Variants in MAML3 observed in about 807,000 individuals in gnomAD.
The protein encoded by MAML3 is mastermind-like protein 3.
A neutral mutation model predicts 101.9 loss-of-function variants in MAML3; 27 were observed. The ratio of observed to expected loss-of-function variants is 0.27; its 90% CI spans 0.20 to 0.37. MAML3 has a LOEUF of 0.37. Ranked by LOEUF, MAML3 falls within the 10% of genes least tolerant of loss-of-function variation. MAML3 has a pLI of 1.00. For synonymous variants in MAML3, 501 were observed against 555.9 expected, an observed-to-expected ratio of 0.90 and a Z score of 1.39; for missense variants, 1,316 against 1,444.9, an observed-to-expected ratio of 0.91 and a Z score of 1.45.
In MAML3 at chr4:139,935,597, C is replaced by G. The variant is rs188094418; in HGVS notation, c.469-44630G>C. 1.6e-4 allele frequency among the ~76,000 whole-genome samples: 24 copies of G among 150,288 alleles called. No homozygotes were observed. The East Asian group carries it at 4.3e-3, about 27-fold the overall frequency. On this transcript the variant is annotated intron_variant, in intron 1 of 4. Transcript: ENST00000509479. ...AAAATAGGGCTTCCTTTATCTAACA[C>G]TTATTCTCAGTGTTTCAAGTGTTTC...
chr4:140,091,541 A>AC (rs1429437227), intron 1 of MAML3, among the ~76,000 whole-genome samples: 18 of 138,370 alleles, frequency 1.3e-4, no homozygotes, highest in African/African-American at 4.5e-4. Flanking sequence ...ACAAAACAAA[A>AC]ACAAAACAAA....
rs779251360 is a variant in MAML3, at chr4:139,730,447, T to A, written c.2300A>T (p.Gln767Leu). Residue 767 changes from glutamine (Q) to leucine (L), a missense_variant, in exon 3 of 5, where the codon CAG becomes CTG. Transcript: ENST00000509479. ...CGCCAAAATCTGCTGCTGCTGCTGC[T>A]GCTGCTGCTGCCTTTGCTCCCGCAG... is the stretch of plus-strand genomic sequence containing the variant. The part of the protein sequence containing the change: ...QFLREQRQQQ[Q>L]QQQQQILAEQ... 1 of 1,551,954 alleles carries A rather than the reference T, an allele frequency of 6.4e-7. No individual in the cohort carries two copies. Among genetic ancestry groups the A allele is most frequent in the South Asian group, 1.2e-5 (1 of 84,084 alleles).
chr4:139,826,946 A>C (rs1731072357), intron 2 of MAML3, among the ~76,000 whole-genome samples: 1 of 152,198 alleles, frequency 6.6e-6, no homozygotes, highest in South Asian at 2.1e-4. Context: ...ATAAGAAACA[A>C]TGGAAGAATC....
chr4:139,801,635 TGTGTGTGG>T (rs1478657271), intron 2 of MAML3, among the ~76,000 whole-genome samples: 232 of 10,914 alleles, frequency 0.021, no homozygotes, highest in African/African-American at 0.04. Flanking sequence ...AGGAACAGGG[TGTGTGTGG>T]GTGTGTGTGT....
At chr4:140,135,518 T>C (rs1320118421) in intron 1 of MAML3, among the ~76,000 whole-genome samples, 1 of 152,236 alleles carries the variant, frequency 6.6e-6, no homozygotes, top group Non-Finnish European at 1.5e-5. Flanking sequence ...ATGATTTGAT[T>C]AGTGACCAAA....
intron 1 of MAML3, among the ~76,000 whole-genome samples, chr4:140,082,081 C>T (rs1727868566): frequency 6.6e-6 from 1 of 152,200 alleles, no homozygotes; most frequent in Admixed American, 6.5e-5. Context: ...CTCCCTCTCA[C>T]ACACAGTAGC....
intron 1 of MAML3, among the ~76,000 whole-genome samples, chr4:140,024,628 T>A (rs962038280): frequency 2.0e-5 from 3 of 152,232 alleles, no homozygotes; most frequent in African/African-American, 7.2e-5. Flanking sequence ...AACCTCTTGC[T>A]TAAATTTGTA....
chr4:140,113,072 G>T (rs1728464223), intron 1 of MAML3, among the ~76,000 whole-genome samples: 1 of 152,058 alleles, frequency 6.6e-6, no homozygotes, highest in Admixed American at 6.5e-5. Context: ...AGGGTTAGGA[G>T]ATGGAGACCA....
At chr4:139,755,231 C>T (rs4863683) in intron 2 of MAML3, among the ~76,000 whole-genome samples, 101,105 of 152,144 alleles carry the variant, frequency 0.66, 35,490 homozygotes, top group Non-Finnish European at 0.79. Flanking sequence ...GGGAGTGAAA[C>T]GCACTGGGAA....
chr4:140,103,963 TTG>T (rs1437656168), intron 1 of MAML3, among the ~76,000 whole-genome samples: 2 of 152,022 alleles, frequency 1.3e-5, no homozygotes, highest in Non-Finnish European at 2.9e-5. Flanking sequence ...CCCCATCCTA[TTG>T]TTCAGGAAAT....
chr4:140,109,575 T>C (rs1728407452), intron 1 of MAML3, among the ~76,000 whole-genome samples: 1 of 152,218 alleles, frequency 6.6e-6, no homozygotes, highest in South Asian at 2.1e-4. Context: ...AGAAACGATT[T>C]CTTCTTTTAA....
At chr4:139,970,913 T>C (rs1421043722) in intron 1 of MAML3, among the ~76,000 whole-genome samples, 2 of 152,218 alleles carry the variant, frequency 1.3e-5, no homozygotes, top group African/African-American at 4.8e-5. Flanking sequence ...CTACTCTATT[T>C]GTTTTGATTT....
chr4:139,911,847 C>T (rs546419053), intron 1 of MAML3, among the ~76,000 whole-genome samples: 26 of 152,296 alleles, frequency 1.7e-4, no homozygotes, highest in African/African-American at 6.0e-4. Context: ...TCCCAGCCCC[C>T]AGAACTGTAA....
In MAML3 at chr4:140,153,334, C is replaced by T. The variant is rs777990836; in HGVS notation, c.-7G>A. 55 of 1,570,704 alleles carry T rather than the reference C, an allele frequency of 3.5e-5. 1 individual carries two copies. In the South Asian group the frequency reaches 4.6e-4, roughly 13 times the overall value. ...GGGCTGCGAAATCCCCCATCCTGCT[C>T]CCCGGGCACACTATTTTGGAAGAAC... On this transcript the variant is annotated 5_prime_UTR_variant, in exon 1 of 5. Transcript: ENST00000509479.
intron 1 of MAML3, among the ~76,000 whole-genome samples, chr4:140,093,421 T>TG (rs1269917003): frequency 2.0e-5 from 3 of 147,930 alleles, no homozygotes; most frequent in Non-Finnish European, 4.5e-5. Flanking sequence ...TGTTTGTTTT[T>TG]TTTTTTTTTT....
chr4:139,918,011 C>A (rs1733057451), intron 1 of MAML3, among the ~76,000 whole-genome samples: 1 of 152,022 alleles, frequency 6.6e-6, no homozygotes, highest in Non-Finnish European at 1.5e-5. Flanking sequence ...ATTTTGTTTT[C>A]TCAGAATGGG....
intron 3 of MAML3, among the ~76,000 whole-genome samples, chr4:139,728,880 T>C (rs1332764807): frequency 6.6e-6 from 1 of 152,168 alleles, no homozygotes; most frequent in Non-Finnish European, 1.5e-5. Context: ...CCCTGGGCCT[T>C]CTTTGTGTCT....
chr4:139,942,852 C>T (rs543983673), intron 1 of MAML3, among the ~76,000 whole-genome samples: 1 of 152,120 alleles, frequency 6.6e-6, no homozygotes, highest in Non-Finnish European at 1.5e-5. Flanking sequence ...CACACAGAGA[C>T]AAACCATTTT....
chr4:139,754,494 G>A (rs1729602597), intron 2 of MAML3, among the ~76,000 whole-genome samples: 1 of 152,130 alleles, frequency 6.6e-6, no homozygotes, highest in Non-Finnish European at 1.5e-5. Context: ...TTAACCAATT[G>A]CCTATTGTTG....
Sources: allele counts gnomAD v4.1 joint callset (sites outside exome capture counted in the v4.1 genomes callset), GRCh38; gene constraint gnomAD v4.1.1; transcripts MANE v1.5; gene names NCBI Gene and HGNC (gene_info 2026-07-23, HGNC 2026-07-21).